ZNF607: variants seen among roughly 807,000 people sequenced by gnomAD.
ZNF607 encodes zinc finger protein 607.
In ZNF607, 5 loss-of-function variants were observed where a neutral mutation model predicts 12.8. That is an observed-to-expected ratio of 0.39 (90% CI 0.20 to 0.82). The LOEUF is 0.82. Among genes scored for constraint, ZNF607 ranks in the 40% least tolerant of loss-of-function variants. ZNF607 has a pLI of 0.39. For synonymous variants in ZNF607, 287 were observed against 276.2 expected, an observed-to-expected ratio of 1.04 and a Z score of -0.39; for missense variants, 851 against 859.2, an observed-to-expected ratio of 0.99 and a Z score of 0.12.
chr19:37,707,855 C>A lies in ZNF607; in HGVS notation c.235+59G>T, dbSNP rs2045098569. 2.3e-6 allele frequency: 3 copies of A among 1,308,798 alleles called. No homozygotes were observed. The South Asian group carries it at 3.8e-5, about 17-fold the overall frequency. The allele number at this position is 1,308,798 out of a possible 1,614,324, so 81.1% of individuals were successfully genotyped here. A position where few individuals can be genotyped will look rare whatever the true frequency, so the allele number is the denominator to read the frequency against. ...GGATGCGTTTACCAAATGAGATGAC[C>A]ACTTCCACGAGGGCTATTTGCATAC... On this transcript the variant is annotated intron_variant, in intron 4 of 4. Transcript: ENST00000355202.
chr19:37,696,576 T>C lies in ZNF607; in HGVS notation c.*1464A>G, dbSNP rs186184816. The C allele has an allele frequency of 1.3e-5, 7 of 534,150 alleles. No individual in the cohort carries two copies. Among genetic ancestry groups the C allele is most frequent in the African/African-American group, 3.9e-5 (2 of 51,944 alleles). The allele number at this position is 534,150 out of a possible 1,614,324, so 33.1% of individuals were successfully genotyped here. On this transcript the variant is annotated 3_prime_UTR_variant, in exon 5 of 5. Transcript: ENST00000355202. ...AGGTGGTGTTACGAATCATCGGGGC[T>C]GTGGCCCAGTTGCCTCACGGAGGTG...
At chr19:37,712,952 G>C (rs192333032) in intron 1 of ZNF607, among the ~76,000 whole-genome samples, 126 of 152,204 alleles carry the variant, frequency 8.3e-4, no homozygotes, top group Middle Eastern at 3.4e-3. Flanking sequence ...AATCTCCTCT[G>C]TGAATGGATG....
intron 1 of ZNF607, among the ~76,000 whole-genome samples, chr19:37,714,311 AAACAAC>A (rs376072397): frequency 2.0e-3 from 278 of 139,636 alleles, no homozygotes; most frequent in South Asian, 0.014. Context: ...CTCCGTCTCA[AAACAAC>A]AACAACAACA....
Position 37,697,230 on chromosome 19 carries a change from A to G in ZNF607, c.*810T>C. On this transcript the variant is annotated 3_prime_UTR_variant, in exon 5 of 5. Transcript: ENST00000355202. ...GATAATTGGTTTTTGTACACATGGGATGAGAAAGTGAGTCCCTTCCCCTAC... is the reference window on the plus strand; with the variant it reads ...GATAATTGGTTTTTGTACACATGGGGTGAGAAAGTGAGTCCCTTCCCCTAC... 6.7e-6 allele frequency: 5 copies of G among 747,300 alleles called. No individual in the cohort carries two copies. In the South Asian group the frequency reaches 6.9e-5, roughly 10 times the overall value. The allele number at this position is 747,300 out of a possible 1,614,324, so 46.3% of individuals were successfully genotyped here.
chr19:37,705,846 CTCTT>C (rs957646804), intron 4 of ZNF607, among the ~76,000 whole-genome samples: 23 of 152,236 alleles, frequency 1.5e-4, no homozygotes, highest in South Asian at 4.2e-4. Flanking sequence ...TCCCTTCTCT[CTCTT>C]TCTCTCTCTT....
intron 4 of ZNF607, among the ~76,000 whole-genome samples, chr19:37,700,218 C>A (rs2045027952): frequency 6.6e-6 from 1 of 152,096 alleles, no homozygotes; most frequent in East Asian, 1.9e-4. Context: ...GCATAACTGG[C>A]TCTAGAATGA....
rs1014520410 is a variant in ZNF607 at position 37,697,780 on chromosome 19, G to T, written c.*260C>A. 5.7e-6 allele frequency: 2 copies of T among 349,314 alleles called. No individual in the cohort carries two copies. The highest frequency in any genetic ancestry group is 1.0e-5 in the Non-Finnish European group (2 of 194,412). The allele number at this position is 349,314 out of a possible 1,614,324, so 21.6% of individuals were successfully genotyped here. On this transcript the variant is annotated 3_prime_UTR_variant, in exon 5 of 5. Coordinates refer to ENST00000355202, the MANE Select transcript of ZNF607 (RefSeq NM_032689.5). The stretch of plus-strand genomic sequence containing the variant: ...ATATTTTGGCAATCCAAAACTAGAG[G>T]AATATCAGAAAAGTTTTCTTATGTT...
intron 4 of ZNF607, among the ~76,000 whole-genome samples, chr19:37,703,154 G>A (rs949435947): frequency 1.4e-4 from 21 of 151,620 alleles, no homozygotes; most frequent in Admixed American, 4.6e-4. Flanking sequence ...GTTTCTCCAT[G>A]TTGAGGCTGG....
chr19:37,704,060 G>A (rs1039629226), intron 4 of ZNF607, among the ~76,000 whole-genome samples: 9 of 152,116 alleles, frequency 5.9e-5, no homozygotes, highest in Non-Finnish European at 8.8e-5. Flanking sequence ...CTTGAACCCC[G>A]GAGGCGGAGG....
At chr19:37,701,358 G>A (rs1260026803) in intron 4 of ZNF607, among the ~76,000 whole-genome samples, 1 of 151,958 alleles carries the variant, frequency 6.6e-6, no homozygotes, top group Non-Finnish European at 1.5e-5. Flanking sequence ...AACCTTTTTC[G>A]ATTACCTACT....
chr19:37,698,995 C>T lies in ZNF607; in HGVS notation c.1136G>A (p.Arg379Gln), dbSNP rs770018833. ...ATGAATACCCTGATGTCGAGTAAGT[C>T]GTCCATGCACACTAAAGGCTTTCCC... The part of the protein sequence containing the change: ...ECGKAFSVHG[R>Q]LTRHQGIHSG... The change falls in exon 5 of 5, where the codon CGA becomes CAA. Residue 379 changes from arginine (R) to glutamine (Q), a missense_variant. By Grantham distance (43) the Arg-to-Gln change is conservative. Transcript: ENST00000355202. 1.2e-5 allele frequency: 19 copies of T among 1,613,400 alleles called. No individual in the cohort carries two copies. Among genetic ancestry groups the T allele is most frequent in the Middle Eastern group, 1.6e-4 (1 of 6,076 alleles).
At position 37,699,134 on chromosome 19, in the gene ZNF607, C is replaced by T; in HGVS notation, c.997G>A (p.Gly333Arg). The change falls in exon 5 of 5, where the codon GGG becomes AGG. Residue 333 changes from glycine (G) to arginine (R), a missense_variant. By Grantham distance (125) the Gly-to-Arg change is moderately radical (BLOSUM62 -2). Transcript: ENST00000355202. Reference protein sequence around the residue: ...QLTMHQRIYSGEKHYECKENG... With the variant: ...QLTMHQRIYSREKHYECKENG... ...TCTTTACATTCATAGTGTTTCTCCC[C>T]TGAATAAATTCTCTGATGCATGGTA... The T allele has an allele frequency of 5.0e-6, 8 of 1,614,182 alleles. No homozygotes were observed. The highest frequency in any genetic ancestry group is 3.3e-5 in the South Asian group (3 of 91,082).
At chr19:37,700,078 A>G (rs1262719721) in intron 4 of ZNF607, among the ~76,000 whole-genome samples, 183 bp from the exon 5 acceptor site, 1 of 152,200 alleles carries the variant, frequency 6.6e-6, no homozygotes, top group East Asian at 1.9e-4. Context: ...ACACACAGGC[A>G]CACATACACA....
Position 37,699,676 on chromosome 19 carries a change from C to T in ZNF607, c.455G>A (p.Ser152Asn), listed in dbSNP as rs199835706. 8.7e-5 allele frequency: 141 copies of T among 1,613,960 alleles called. No individual in the cohort carries two copies. Among genetic ancestry groups the T allele is most frequent in the Non-Finnish European group, 1.2e-4 (136 of 1,180,002 alleles). ...ATGCTTTCTAAGGTCTGTAAGATGGCTAAATGCCTTCCTAAACTTTTCACA... is the reference window on the plus strand; with the variant it reads ...ATGCTTTCTAAGGTCTGTAAGATGGTTAAATGCCTTCCTAAACTTTTCACA... ...DQCEKFRKAFSHLTDLRKHQK... is the reference protein window; with the variant it reads ...DQCEKFRKAFNHLTDLRKHQK... Residue 152 changes from serine (S) to asparagine (N), a missense_variant, in exon 5 of 5, where the codon AGC (serine) becomes AAC (asparagine). By Grantham distance (46) the Ser-to-Asn change is conservative. Transcript: ENST00000355202.
Position 37,697,140 on chromosome 19 carries a change from A to C in ZNF607, c.*900T>G. 1 of 745,744 alleles carries C rather than the reference A, an allele frequency of 1.3e-6. No individual in the cohort carries two copies. Among genetic ancestry groups the C allele is most frequent in the Non-Finnish European group, 2.5e-6 (1 of 398,342 alleles). The allele number at this position is 745,744 out of a possible 1,614,324, so 46.2% of individuals were successfully genotyped here. ...GAAGAGGATGCACAGTGTGATGTTG[A>C]CATTCTGTAAATCTTTGCTACCAGT... On this transcript the variant is annotated 3_prime_UTR_variant, in exon 5 of 5. Transcript: ENST00000355202.
At chr19:37,707,566 T>C (rs1179880864) in intron 4 of ZNF607, among the ~76,000 whole-genome samples, 3 of 151,818 alleles carry the variant, frequency 2.0e-5, no homozygotes, top group East Asian at 1.9e-4. Context: ...GCCCAGGAGT[T>C]TGACAACAGC....
intron 1 of ZNF607, among the ~76,000 whole-genome samples, chr19:37,715,522 C>A (rs1199244537): frequency 1.6e-4 from 24 of 151,450 alleles, no homozygotes; most frequent in Non-Finnish European, 7.4e-5. Flanking sequence ...ATGAGAATTG[C>A]TGAACCCAGG....
chr19:37,697,747 T>C lies in ZNF607; in HGVS notation c.*293A>G, dbSNP rs1189971020. 1.5e-5 allele frequency: 5 copies of C among 325,918 alleles called. No individual in the cohort carries two copies. Among genetic ancestry groups the C allele is most frequent in the Non-Finnish European group, 2.8e-5 (5 of 178,704 alleles). The allele number at this position is 325,918 out of a possible 1,614,324, so 20.2% of individuals were successfully genotyped here. On this transcript the variant is annotated 3_prime_UTR_variant, in exon 5 of 5. Coordinates refer to ENST00000355202, the MANE Select transcript of ZNF607 (RefSeq NM_032689.5). ...TTCCTACGTTTTCTCAGTTTTCCTC[T>C]ACTGTGAATATTTTGGCAATCCAAA...
At chr19:37,717,344 C>T (rs2045184502) in intron 1 of ZNF607, among the ~76,000 whole-genome samples, 1 of 152,052 alleles carries the variant, frequency 6.6e-6, no homozygotes, top group Admixed American at 6.6e-5. Context: ...CACCACCACG[C>T]CCGGCTAATT....
Sources: allele counts gnomAD v4.1 joint callset (sites outside exome capture counted in the v4.1 genomes callset), GRCh38; gene constraint gnomAD v4.1.1; transcripts MANE v1.5; gene names NCBI Gene and HGNC (gene_info 2026-07-23, HGNC 2026-07-21).